Variants in MACF1 observed in about 807,000 individuals in gnomAD.
MACF1 encodes the protein microtubule actin crosslinking factor 1, also known as microtubule-actin cross-linking factor 1.
MACF1 carries 193 observed loss-of-function variants against 854.8 expected under a neutral mutation model. The observed-to-expected ratio is 0.23, with a 90% CI of 0.20 to 0.25. The LOEUF is 0.25. MACF1 is among the 10% of genes least tolerant of loss of function. MACF1 has a pLI of 1.00. For synonymous variants in MACF1, 3,185 were observed against 3,226.7 expected, an observed-to-expected ratio of 0.99 and a Z score of 0.44; for missense variants, 7,722 against 8,929.1, an observed-to-expected ratio of 0.86 and a Z score of 5.45.
In MACF1 at chr1:39,293,591, A is replaced by C; in HGVS notation, c.2126A>C (p.Asn709Thr). The C allele has an allele frequency of 6.2e-7, 1 of 1,613,506 alleles. No individual in the cohort carries two copies. Residue 709 changes from asparagine to threonine, a missense_variant, in exon 18 of 101, where the codon AAT becomes ACT. Physicochemically the swap from Asn to Thr is moderately conservative, Grantham distance 65. Transcript: ENST00000564288. ...LAYDWSDNNS[N>T]ISAKRNYFSE... ...TATGACTGGAGTGACAACAATTCCA[A>C]TATCTCAGCCAAGAGAAATTACTTC... is the stretch of plus-strand genomic sequence containing the variant.
In MACF1 at chr1:39,424,074, T is replaced by C; in HGVS notation, c.16196T>C (p.Leu5399Pro). The change falls in exon 61 of 101, where the codon CTT becomes CCT. Residue 5399 changes from leucine to proline, a missense_variant. Coordinates refer to ENST00000564288, the MANE Select transcript of MACF1 (RefSeq NM_001394062.1). ...LDDRKATVDM[L>P]QAEGGRIAQS... ...GATCGAAAGGCCACAGTAGACATGC[T>C]TCAAGCAGAAGGAGGCAGAATAGCC... 1 of 1,612,122 alleles carries C rather than the reference T, an allele frequency of 6.2e-7. No individual in the cohort carries two copies. The highest frequency in any genetic ancestry group is 8.5e-7 in the Non-Finnish European group (1 of 1,179,728).
intron 62 of MACF1, 84 bp downstream of exon 62, chr1:39,427,698 G>A: frequency 7.3e-7 from 1 of 1,378,752 alleles, no homozygotes; most frequent in Non-Finnish European, 1.0e-6. Flanking sequence ...GCATTCTAGA[G>A]GATGTGTGTT....
At chr1:39,146,461 A>AAAAG (rs1011758799) in intron 2 of MACF1, among the ~76,000 whole-genome samples, 5 of 150,998 alleles carry the variant, frequency 3.3e-5, no homozygotes, top group African/African-American at 1.2e-4. Flanking sequence ...AAAAAAAAAA[A>AAAAG]AAAGAAAGAA....
chr1:39,152,187 A>C (rs1000839087), intron 2 of MACF1, among the ~76,000 whole-genome samples: 1 of 152,010 alleles, frequency 6.6e-6, no homozygotes, highest in South Asian at 2.1e-4. Context: ...GTTGGCCAGG[A>C]TGGTCTGGAT....
At chr1:39,192,397 A>G (rs1557509480) in intron 2 of MACF1, among the ~76,000 whole-genome samples, 2 of 152,004 alleles carry the variant, frequency 1.3e-5, no homozygotes, top group Non-Finnish European at 2.9e-5. Context: ...TCTGTCTGCT[A>G]TTTTCTCTAT....
chr1:39,435,751 A>G lies in MACF1; in HGVS notation c.17978A>G (p.Gln5993Arg), dbSNP rs539125291. ...RALALDEAVSQSTQFHDKIEP... is the reference protein window; with the variant it reads ...RALALDEAVSRSTQFHDKIEP... Reference sequence around the variant, plus strand: ...CTGGCTCTGGATGAAGCCGTGTCCCAGTCCACACAGGTATGTGTGTGTCTG... The same window carrying G: ...CTGGCTCTGGATGAAGCCGTGTCCCGGTCCACACAGGTATGTGTGTGTCTG... Residue 5993 changes from glutamine (Q) to arginine (R), a missense_variant, in exon 70 of 101, where the codon CAG becomes CGG. Gln to Arg is a conservative substitution (Grantham distance 43). Transcript: ENST00000564288. The G allele has an allele frequency of 6.2e-7, 1 of 1,614,110 alleles. No individual in the cohort carries two copies. Among genetic ancestry groups the G allele is most frequent in the African/African-American group, 1.3e-5 (1 of 75,064 alleles).
intron 6 of MACF1, among the ~76,000 whole-genome samples, chr1:39,263,828 C>T (rs1226413290): frequency 4.2e-5 from 5 of 119,918 alleles, no homozygotes; most frequent in Non-Finnish European, 6.3e-5. Context: ...GGCTGGAGTG[C>T]AGTGGCGCGA....
intron 55 of MACF1, among the ~76,000 whole-genome samples, chr1:39,381,381 G>T (rs866599323): frequency 0.016 from 2,231 of 141,240 alleles, 83 homozygotes; most frequent in African/African-American, 0.057. Context: ...TTTTTTTTGG[G>T]GGGGGGGACA....
intron 20 of MACF1, among the ~76,000 whole-genome samples, chr1:39,296,846 A>G (rs1455734187): frequency 1.4e-5 from 2 of 139,456 alleles, no homozygotes; most frequent in African/African-American, 6.1e-5. Context: ...AAGGAAGGAA[A>G]AGAAAGAAAG....
At chr1:39,320,813 A>T (rs1016636785) in intron 31 of MACF1, among the ~76,000 whole-genome samples, 2 of 151,950 alleles carry the variant, frequency 1.3e-5, no homozygotes, top group South Asian at 2.1e-4. Flanking sequence ...AAAAAAAAAA[A>T]TTTTAAATTA....
At chr1:39,236,906 C>T (rs1056548034) in intron 2 of MACF1, among the ~76,000 whole-genome samples, 10 of 152,168 alleles carry the variant, frequency 6.6e-5, no homozygotes, top group Non-Finnish European at 1.5e-4. Context: ...CTGCCTGCCT[C>T]GGCCTTCCAA....
intron 1 of MACF1, among the ~76,000 whole-genome samples, chr1:39,227,306 A>G (rs1482051742): frequency 1.3e-5 from 2 of 151,768 alleles, no homozygotes. Context: ...TCTTCTAATC[A>G]TACTTGGCCA....
At chr1:39,298,897 T>C (rs949521404) in intron 21 of MACF1, among the ~76,000 whole-genome samples, 4 of 152,164 alleles carry the variant, frequency 2.6e-5, no homozygotes, top group African/African-American at 7.2e-5. Flanking sequence ...TATCTTCTCT[T>C]CTCGAGGGTC....
At chr1:39,349,779 G>T (rs1647136781) in intron 42 of MACF1, 152 bp downstream of exon 42, 1 of 775,108 alleles carries the variant, frequency 1.3e-6, no homozygotes. Context: ...ACAAAGTCAT[G>T]AGCCACCATG....
intron 2 of MACF1, among the ~76,000 whole-genome samples, chr1:39,175,421 C>A (rs1314073044): frequency 6.6e-6 from 1 of 152,198 alleles, no homozygotes; most frequent in Non-Finnish European, 1.5e-5. Flanking sequence ...TGAAGAGGCA[C>A]ACCGGACTTA....
chr1:39,412,806 A>C, intron 58 of MACF1: 1 of 1,612,746 alleles, frequency 6.2e-7, no homozygotes, highest in Non-Finnish European at 8.5e-7. Context: ...AAGATGCCCT[A>C]GATGCTGCAC....
chr1:39,254,278 C>CT lies in MACF1; in HGVS notation c.358-13dup, dbSNP rs749540449. Reference sequence around the variant, plus strand: ...AATTGTGTAGCCAGAATTAACATCCCTTTTTTTGTTTGTTTGCAGCCCCGG... The same window carrying CT: ...AATTGTGTAGCCAGAATTAACATCCCTTTTTTTTGTTTGTTTGCAGCCCCGG... On this transcript the variant is annotated intron_variant, in intron 4 of 100. Transcript: ENST00000564288. The CT allele has an allele frequency of 5.0e-6, 8 of 1,605,472 alleles. No individual in the cohort carries two copies. Among genetic ancestry groups the CT allele is most frequent in the African/African-American group, 2.7e-5 (2 of 74,866 alleles).
Position 39,444,702 on chromosome 1 carries a change from A to G in MACF1, c.19472A>G (p.Asn6491Ser), listed in dbSNP as rs563401672. The G allele has an allele frequency of 6.8e-6, 11 of 1,613,990 alleles. No individual in the cohort carries two copies. The Admixed American group carries it at 1.8e-4, about 27-fold the overall frequency. The change falls in exon 80 of 101, where the codon AAT becomes AGT. Residue 6491 changes from asparagine to serine, a missense_variant. Around this residue, in one of 15 missense-constraint regions of MACF1, gnomAD observed 729 missense variants for 900.5 expected, o/e 0.81. Coordinates refer to ENST00000564288, the MANE Select transcript of MACF1 (RefSeq NM_001394062.1). Reference protein sequence around the residue: ...SQLKAKEETYNQLLDKGRLML... With the variant: ...SQLKAKEETYSQLLDKGRLML... ...CTGAAAGCCAAGGAAGAGACTTATA[A>G]TCAACTACTTGACAAGGGCAGACTC...
In MACF1 at chr1:39,291,882, T is replaced by A. The variant is rs780587979; in HGVS notation, c.1786-28T>A. 4 of 1,603,240 alleles carry A rather than the reference T, an allele frequency of 2.5e-6. No homozygotes were observed. In the African/African-American group the frequency reaches 5.4e-5, roughly 22 times the overall value. The stretch of plus-strand genomic sequence containing the variant: ...TTCCTACCAAGCCAGCAGTAAATTA[T>A]GTCATATATATATTTTTTCTTTTTC... On this transcript the variant is annotated intron_variant, in intron 15 of 100. Coordinates refer to ENST00000564288, the MANE Select transcript of MACF1 (RefSeq NM_001394062.1).
Sources: allele counts gnomAD v4.1 joint callset (sites outside exome capture counted in the v4.1 genomes callset), GRCh38; gene constraint gnomAD v4.1.1; regional missense constraint gnomAD v4.1.1; transcripts MANE v1.5; gene names NCBI Gene and HGNC (gene_info 2026-07-23, HGNC 2026-07-21).